Variants in DCUN1D3 observed in about 807,000 individuals in gnomAD.
The protein encoded by DCUN1D3 is defective in cullin neddylation 1 domain containing 3.
Under a neutral mutation model 24.8 loss-of-function variants are expected in DCUN1D3, and 6 were observed. The observed-to-expected ratio is 0.24, with a 90% CI of 0.13 to 0.48. The LOEUF (loss-of-function observed/expected upper bound fraction) is 0.48. Among genes scored for constraint, DCUN1D3 ranks in the 20% least tolerant of loss-of-function variants. The pLI, the probability that DCUN1D3 is intolerant of heterozygous loss-of-function variation, is 0.99. For missense variants in DCUN1D3, 258 were observed against 379.4 expected (o/e 0.68, Z 2.66); for synonymous variants, 120 against 144.9 (o/e 0.83, Z 1.24).
At chr16:20,886,995 T>C (rs772843389) in intron 1 of DCUN1D3, among the ~76,000 whole-genome samples, 8 of 152,360 alleles carry the variant, frequency 5.3e-5, no homozygotes, top group Non-Finnish European at 1.2e-4. Flanking sequence ...ATGATAGTTA[T>C]GTTTTCATTC....
chr16:20,878,393 G>GA (rs1176610764), intron 1 of DCUN1D3, among the ~76,000 whole-genome samples: 1 of 152,076 alleles, frequency 6.6e-6, no homozygotes, highest in East Asian at 1.9e-4. Flanking sequence ...CAGGATCTTA[G>GA]AAAAAATTCA....
intron 1 of DCUN1D3, among the ~76,000 whole-genome samples, chr16:20,874,936 G>A (rs1451123113): frequency 2.0e-5 from 3 of 151,986 alleles, no homozygotes; most frequent in Non-Finnish European, 4.4e-5. Context: ...ATACCTGTTG[G>A]AAGGCACTGT....
intron 2 of DCUN1D3, among the ~76,000 whole-genome samples, chr16:20,861,503 C>T (rs1276266527): frequency 6.6e-6 from 1 of 152,010 alleles, no homozygotes; most frequent in Non-Finnish European, 1.5e-5. Flanking sequence ...TATTGGTACT[C>T]ACAGTGCCTG....
At chr16:20,897,396 C>A (rs1243439004) in intron 1 of DCUN1D3, among the ~76,000 whole-genome samples, 2 of 152,128 alleles carry the variant, frequency 1.3e-5, no homozygotes, top group African/African-American at 2.4e-5. Flanking sequence ...CCAAAGATGC[C>A]GACACAGTGG....
chr16:20,866,445 A>AC (rs2081762650), intron 1 of DCUN1D3, among the ~76,000 whole-genome samples: 1 of 151,600 alleles, frequency 6.6e-6, no homozygotes, highest in African/African-American at 2.4e-5. Context: ...CAGGCCACTC[A>AC]CCCCGCCCCC....
chr16:20,890,990 T>C (rs1267929543), intron 1 of DCUN1D3, among the ~76,000 whole-genome samples: 2 of 151,516 alleles, frequency 1.3e-5, no homozygotes, highest in Admixed American at 1.3e-4. Context: ...AAATGTGAAG[T>C]AAAAAATGAT....
intron 1 of DCUN1D3, among the ~76,000 whole-genome samples, chr16:20,898,130 C>T (rs1042594108): frequency 2.6e-5 from 4 of 152,192 alleles, no homozygotes; most frequent in Non-Finnish European, 5.9e-5. Flanking sequence ...ACTTGACAAG[C>T]GCATTCCAGC....
At position 20,860,408 on chromosome 16, in the gene DCUN1D3, C is replaced by A. The variant is rs2081725949; in HGVS notation, c.432-39G>T. 5.7e-6 allele frequency: 9 copies of A among 1,577,836 alleles called. No individual in the cohort carries two copies. The African/African-American group carries it at 1.2e-4, about 21-fold the overall frequency. On this transcript the variant is annotated intron_variant, in intron 2 of 2. Transcript: ENST00000324344. This position sits in a 1 kb window ranked among gnomAD's most constrained non-coding sequence, Gnocchi z 4.3. ...GAAAAGGACAATTAATCATTATAAA[C>A]TATACTATTTACAGGCAATATACAT...
In DCUN1D3 at chr16:20,856,166, T is replaced by A. The variant is rs970062745; in HGVS notation, c.*3720A>T. 11 of 152,010 alleles carry A rather than the reference T, an allele frequency of 7.2e-5. No individual in the cohort carries two copies. Among genetic ancestry groups the A allele is most frequent in the African/African-American group, 2.2e-4 (9 of 41,354 alleles). The allele number at this position is 152,010 out of a possible 1,614,324, so 9.4% of individuals were successfully genotyped here. ...AACCAAACATTCTTAAATACATAGG[T>A]TGGTGTAAAAGTAATTGTGGTTTTT... On this transcript the variant is annotated 3_prime_UTR_variant, in exon 3 of 3. Transcript: ENST00000324344.
At chr16:20,871,467 C>T (rs77083697) in intron 1 of DCUN1D3, among the ~76,000 whole-genome samples, 1 of 152,152 alleles carries the variant, frequency 6.6e-6, no homozygotes, top group Non-Finnish European at 1.5e-5. Flanking sequence ...CTAAGACCAG[C>T]CAGTTTAGCA....
chr16:20,865,987 C>T (rs900010905), intron 1 of DCUN1D3, among the ~76,000 whole-genome samples: 1 of 152,194 alleles, frequency 6.6e-6, no homozygotes, highest in Non-Finnish European at 1.5e-5. Context: ...TGTAGTTTTA[C>T]TTAGGCTTCA....
intron 1 of DCUN1D3, among the ~76,000 whole-genome samples, chr16:20,891,610 G>T (rs1322056046): frequency 1.3e-5 from 2 of 152,184 alleles, no homozygotes; most frequent in African/African-American, 4.8e-5. Context: ...CCTTCGAGGG[G>T]GCACAGTGGT....
chr16:20,888,503 G>A (rs970487860), intron 1 of DCUN1D3, among the ~76,000 whole-genome samples: 4 of 152,118 alleles, frequency 2.6e-5, no homozygotes, highest in South Asian at 2.1e-4. Context: ...TTGTCACCCC[G>A]AATGGAGTGC....
At chr16:20,890,944 T>C (rs2081889583) in intron 1 of DCUN1D3, among the ~76,000 whole-genome samples, 1 of 150,938 alleles carries the variant, frequency 6.6e-6, no homozygotes, top group Non-Finnish European at 1.5e-5. Flanking sequence ...GAAGAAAGAC[T>C]AATTTGGCCT....
intron 1 of DCUN1D3, among the ~76,000 whole-genome samples, chr16:20,876,399 C>G (rs1488118499): frequency 6.8e-6 from 1 of 147,998 alleles, no homozygotes; most frequent in African/African-American, 2.5e-5. Flanking sequence ...AAAGCCACAA[C>G]GAAATATTAT....
Position 20,860,177 on chromosome 16 carries a change from C to T in DCUN1D3, c.624G>A (p.Leu208=). 2.5e-6 allele frequency: 4 copies of T among 1,614,236 alleles called. No individual in the cohort carries two copies. The highest frequency in any genetic ancestry group is 2.5e-6 in the Non-Finnish European group (3 of 1,180,046). ...RSLHREIAIA[L]WKLVFTQNNP... is the part of the protein sequence containing the mutation. ...TGTTCTGGGTAAAGACTAGTTTCCACAGGGCAATGGCTATTTCCCGATGCA... is the reference window on the plus strand; with the variant it reads ...TGTTCTGGGTAAAGACTAGTTTCCATAGGGCAATGGCTATTTCCCGATGCA... The change falls in exon 3 of 3, where the codon CTG becomes CTA. Residue 208 remains leucine (L), a synonymous_variant. Coordinates refer to ENST00000324344, the MANE Select transcript of DCUN1D3 (RefSeq NM_173475.4). The surrounding 1 kb of genome is among the most constrained non-coding windows in gnomAD (Gnocchi z 4.3).
At chr16:20,869,345 A>T (rs1403053717) in intron 1 of DCUN1D3, among the ~76,000 whole-genome samples, 1 of 152,240 alleles carries the variant, frequency 6.6e-6, no homozygotes, top group Non-Finnish European at 1.5e-5. Context: ...AGTGTGAACT[A>T]CTATTACGGA....
chr16:20,868,565 C>T lies in DCUN1D3; in HGVS notation c.-105-5922G>A, dbSNP rs568416366. 9.8e-5 allele frequency among the ~76,000 whole-genome samples: 15 copies of T among 152,310 alleles called. No homozygotes were observed. The South Asian group carries it at 2.3e-3, about 23-fold the overall frequency. On this transcript the variant is annotated intron_variant, in intron 1 of 2. Transcript: ENST00000324344. Reference sequence around the variant, plus strand: ...ACGCAGGTAAATGCTCTGCTCAATACCTGACTCACAGAAAGCATTTGGTTG... The same window carrying T: ...ACGCAGGTAAATGCTCTGCTCAATATCTGACTCACAGAAAGCATTTGGTTG...
At chr16:20,872,350 T>A (rs2081792427) in intron 1 of DCUN1D3, among the ~76,000 whole-genome samples, 1 of 152,006 alleles carries the variant, frequency 6.6e-6, no homozygotes, top group Non-Finnish European at 1.5e-5. Flanking sequence ...TGCATCCAAA[T>A]GTCTTAAAGG....
Sources: gnomAD v4.1 joint callset for allele counts (sites outside exome capture counted in the v4.1 genomes callset) on GRCh38, gnomAD v4.1.1 for gene constraint, Gnocchi (gnomAD v3.1) non-coding constraint, MANE v1.5 for transcripts, NCBI Gene and HGNC (gene_info 2026-07-23, HGNC 2026-07-21) for gene names.